The following BACH2 variants were observed in gnomAD, a reference collection of about 807,000 sequenced individuals.
The protein encoded by BACH2 is transcription regulator protein BACH2.
A neutral mutation model predicts 61.8 loss-of-function variants in BACH2; 5 were observed. The observed-to-expected ratio is 0.08, with a 90% CI of 0.04 to 0.17. The LOEUF (loss-of-function observed/expected upper bound fraction) is 0.17. Among genes scored for constraint, BACH2 ranks in the 10% least tolerant of loss-of-function variants. The pLI is 1.00. For missense variants in BACH2, 824 were observed against 1,091.1 expected (o/e 0.76, Z 3.45); for synonymous variants, 446 against 440.1 (o/e 1.01, Z -0.17).
intron 5 of BACH2, among the ~76,000 whole-genome samples, chr6:90,085,240 A>G (rs1364073338): frequency 6.6e-6 from 1 of 152,196 alleles, no homozygotes; most frequent in Admixed American, 6.5e-5. Flanking sequence ...TAGGCCCTAC[A>G]GCGGGAGAAC....
chr6:89,937,327 G>A (rs572091924), intron 8 of BACH2, among the ~76,000 whole-genome samples: 4 of 152,218 alleles, frequency 2.6e-5, no homozygotes, highest in Non-Finnish European at 2.9e-5. Flanking sequence ...TACAAGACAC[G>A]ATTTGGAATC....
chr6:90,129,343 T>TA (rs767305937), intron 4 of BACH2, among the ~76,000 whole-genome samples: 24 of 152,162 alleles, frequency 1.6e-4, no homozygotes, highest in Non-Finnish European at 3.2e-4. Flanking sequence ...CTTTTTCTTC[T>TA]AAAAAAACGG....
chr6:89,969,835 C>G (rs1397015186), intron 6 of BACH2, among the ~76,000 whole-genome samples: 1 of 152,180 alleles, frequency 6.6e-6, no homozygotes, highest in Non-Finnish European at 1.5e-5. Context: ...CCTGCTGGAA[C>G]TGCAGGATGG....
chr6:90,296,285 C>A, intron 1 of BACH2, among the ~76,000 whole-genome samples, 195 bp downstream of exon 1: 1 of 151,888 alleles, frequency 6.6e-6, no homozygotes, highest in Non-Finnish European at 1.5e-5. Context: ...GGCTCCCACC[C>A]CCTTCCCGTT....
chr6:90,070,196 G>A (rs1394582098), intron 5 of BACH2, among the ~76,000 whole-genome samples: 1 of 152,196 alleles, frequency 6.6e-6, no homozygotes, highest in African/African-American at 2.4e-5. Flanking sequence ...CCTACGGACA[G>A]CACACTGCCA....
chr6:90,172,236 G>A (rs963246977), intron 4 of BACH2, among the ~76,000 whole-genome samples: 1 of 147,828 alleles, frequency 6.8e-6, no homozygotes, highest in Admixed American at 6.9e-5. Flanking sequence ...AACCTGGGAA[G>A]CAAAGGTTGC....
At chr6:90,164,803 A>G (rs1562482602) in intron 4 of BACH2, among the ~76,000 whole-genome samples, 1 of 152,236 alleles carries the variant, frequency 6.6e-6, no homozygotes, top group Non-Finnish European at 1.5e-5. Context: ...ACAGAGCCAA[A>G]GACAAAAACC....
At chr6:89,942,243 T>G (rs892156106) in intron 7 of BACH2, among the ~76,000 whole-genome samples, 4 of 152,250 alleles carry the variant, frequency 2.6e-5, no homozygotes, top group Middle Eastern at 6.8e-3. Context: ...TCTTGAGTAA[T>G]AAGTTCCAAG....
At chr6:90,231,369 G>A (rs1403878138) in intron 3 of BACH2, among the ~76,000 whole-genome samples, 2 of 152,056 alleles carry the variant, frequency 1.3e-5, no homozygotes, top group Non-Finnish European at 1.5e-5. Context: ...TCTAGGTTCT[G>A]CGGGAATTTA....
chr6:90,082,151 GGCTA>G (rs1222112071), intron 5 of BACH2, among the ~76,000 whole-genome samples: 3 of 152,060 alleles, frequency 2.0e-5, no homozygotes, highest in Non-Finnish European at 4.4e-5. Flanking sequence ...GGGAAGATCT[GGCTA>G]ACTCAACCTT....
intron 7 of BACH2, among the ~76,000 whole-genome samples, chr6:89,949,587 AG>A (rs1422063914): frequency 2.6e-5 from 4 of 152,122 alleles, no homozygotes; most frequent in African/African-American, 9.7e-5. Context: ...CATTGCTTTC[AG>A]GGTGGATGAA....
chr6:90,067,499 G>T (rs556579125), intron 5 of BACH2, among the ~76,000 whole-genome samples: 1 of 152,304 alleles, frequency 6.6e-6, no homozygotes, highest in South Asian at 2.1e-4. Flanking sequence ...TGCAAGGAGG[G>T]CAGGAACAAG....
chr6:90,074,700 TG>T (rs1358707831), intron 5 of BACH2, among the ~76,000 whole-genome samples: 2 of 152,154 alleles, frequency 1.3e-5, no homozygotes, highest in African/African-American at 4.8e-5. Context: ...CAGTAGCCTT[TG>T]GGGAGAACAT....
intron 6 of BACH2, among the ~76,000 whole-genome samples, chr6:90,005,212 G>T (rs1437764075): frequency 1.3e-5 from 2 of 152,098 alleles, no homozygotes; most frequent in South Asian, 4.1e-4. Context: ...GTTGGGGGGA[G>T]GAGTGGCAGT....
chr6:89,928,997 A>G lies in BACH2; in HGVS notation c.*3411T>C, dbSNP rs1446167549. 6.6e-6 allele frequency: 1 copy of G among 152,542 alleles called. No individual in the cohort carries two copies. Among genetic ancestry groups the G allele is most frequent in the African/African-American group, 2.4e-5 (1 of 41,336 alleles). 9.4% of individuals were successfully genotyped at this position (152,542 alleles called of 1,614,324 possible). ...TACAGCAAATCACTCACCTGTCCAA[A>G]GCCTGACCAACTTGAAAAGAGGTTG... On this transcript the variant is annotated 3_prime_UTR_variant, in exon 9 of 9. Coordinates refer to ENST00000257749, the MANE Select transcript of BACH2 (RefSeq NM_021813.4).
intron 3 of BACH2, among the ~76,000 whole-genome samples, chr6:90,229,402 G>A (rs982502022): frequency 1.3e-5 from 2 of 152,096 alleles, no homozygotes; most frequent in African/African-American, 4.8e-5. Context: ...GGAGGTTGCG[G>A]CGAGCAGAGA....
At chr6:90,079,073 C>G (rs542838951) in intron 5 of BACH2, among the ~76,000 whole-genome samples, 1 of 152,178 alleles carries the variant, frequency 6.6e-6, no homozygotes, top group Non-Finnish European at 1.5e-5. Context: ...AATGGGATTG[C>G]GAAGGCACAA....
chr6:90,071,048 T>C (rs1781202460), intron 5 of BACH2, among the ~76,000 whole-genome samples: 1 of 152,198 alleles, frequency 6.6e-6, no homozygotes, highest in African/African-American at 2.4e-5. Flanking sequence ...TGCAATGACA[T>C]GATCATAGCT....
intron 5 of BACH2, among the ~76,000 whole-genome samples, chr6:90,016,503 G>A (rs1668731263): frequency 7.2e-5 from 11 of 152,032 alleles, no homozygotes; most frequent in Admixed American, 7.2e-4. Flanking sequence ...GCTTCTTTAA[G>A]TTATCACAAT....
Sources: gnomAD v4.1 joint callset for allele counts (sites outside exome capture counted in the v4.1 genomes callset) on GRCh38, gnomAD v4.1.1 for gene constraint, MANE v1.5 for transcripts, NCBI Gene and HGNC (gene_info 2026-07-23, HGNC 2026-07-21) for gene names.